DRC4: variants seen among roughly 807,000 people sequenced by gnomAD.
The protein encoded by DRC4 is dynein regulatory complex subunit 4.
chr16:90,030,112 T>C, the DRC4 span, among the ~76,000 whole-genome samples: 2 of 151,336 alleles, frequency 1.3e-5, no homozygotes, highest in African/African-American at 4.9e-5. Flanking sequence ...CTGTCCTACA[T>C]TTTTTTTTAA....
At chr16:90,028,886 A>G in the DRC4 span, 1 of 1,205,488 alleles carries the variant, frequency 8.3e-7, no homozygotes, top group Non-Finnish European at 1.1e-6. Flanking sequence ...CTGAAGTTGG[A>G]GCTAGGCAGA....
At chr16:90,043,911 G>C in the DRC4 span, 2 of 446,834 alleles carry the variant, frequency 4.5e-6, no homozygotes, top group African/African-American at 4.0e-5. Context: ...GCCAGTCTTC[G>C]CTCTAACTCC....
the DRC4 span, among the ~76,000 whole-genome samples, chr16:90,023,429 A>G: frequency 2.6e-5 from 4 of 152,126 alleles, no homozygotes; most frequent in Non-Finnish European, 5.9e-5. Flanking sequence ...CAGTAACTCA[A>G]TTTCTGGGCA....
chr16:90,020,038 G>A, the DRC4 span: 1 of 691,700 alleles, frequency 1.4e-6, no homozygotes, highest in Non-Finnish European at 2.6e-6. Flanking sequence ...TGTCCCTATC[G>A]CCCAGATTCA....
chr16:90,036,242 C>T, the DRC4 span: 1 of 736,302 alleles, frequency 1.4e-6, no homozygotes, highest in Non-Finnish European at 2.3e-6. Context: ...CCCCTTTGTT[C>T]TTCTCTTGCA....
the DRC4 span, among the ~76,000 whole-genome samples, chr16:90,041,488 T>C: frequency 1.3e-5 from 2 of 152,018 alleles, no homozygotes; most frequent in African/African-American, 2.4e-5. Context: ...CCAGCGCTGC[T>C]GAAGACTACT....
At chr16:90,022,328 A>G in the DRC4 span, 30 of 190,802 alleles carry the variant, frequency 1.6e-4, no homozygotes, top group African/African-American at 7.0e-4. Flanking sequence ...GGAAAGTTTC[A>G]GAGGCTTGGG....
chr16:90,031,493 C>A, the DRC4 span: 2 of 1,559,226 alleles, frequency 1.3e-6, no homozygotes, highest in South Asian at 2.4e-5. Context: ...AGGTGGAGAT[C>A]AAGGTGAGTG....
chr16:90,035,544 C>G, the DRC4 span: 1 of 1,579,474 alleles, frequency 6.3e-7, no homozygotes, highest in South Asian at 1.1e-5. Context: ...ATGGAGGTGA[C>G]CAAAACCATG....
At chr16:90,044,446 T>G in the DRC4 span, 1 of 466,480 alleles carries the variant, frequency 2.1e-6, no homozygotes, top group Non-Finnish European at 4.5e-6. Flanking sequence ...GGACCTGGCC[T>G]GCAGATCCCA....
chr16:90,029,636 CTG>C, the DRC4 span: 1 of 222,400 alleles, frequency 4.5e-6, no homozygotes, highest in Non-Finnish European at 9.6e-6. Flanking sequence ...AGAACCCCTC[CTG>C]CTGCTCCTTC....
chr16:90,032,179 G>T, the DRC4 span, among the ~76,000 whole-genome samples: 31 of 151,144 alleles, frequency 2.1e-4, no homozygotes, highest in South Asian at 6.3e-3. Context: ...GGGGGTACAG[G>T]TATGTACAGG....
chr16:90,035,667 A>AT, the DRC4 span: 1 of 1,614,150 alleles, frequency 6.2e-7, no homozygotes, highest in East Asian at 2.2e-5. Flanking sequence ...ATGCGGAATG[A>AT]TTTTGAGAGG....
the DRC4 span, among the ~76,000 whole-genome samples, chr16:90,039,217 C>T: frequency 6.6e-6 from 1 of 152,180 alleles, no homozygotes; most frequent in Non-Finnish European, 1.5e-5. Flanking sequence ...AAGAGGACAG[C>T]AGAGACGTGC....
the DRC4 span, chr16:90,031,441 G>C: frequency 1.2e-6 from 2 of 1,607,510 alleles, no homozygotes; most frequent in Admixed American, 1.7e-5. Context: ...GCTGAGCTGC[G>C]GAACAAAGAC....
chr16:90,029,242 C>T, the DRC4 span: 209 of 1,366,666 alleles, frequency 1.5e-4, 2 homozygotes, highest in African/African-American at 2.6e-3. Flanking sequence ...GCACATCGCA[C>T]GTTGAGCCAC....
the DRC4 span, chr16:90,043,242 T>G: frequency 6.2e-7 from 1 of 1,613,650 alleles, no homozygotes. Flanking sequence ...CTGCTGGCCT[T>G]CGGGATCCCT....
the DRC4 span, among the ~76,000 whole-genome samples, chr16:90,024,123 T>TACACACACACACACACACACACACAC: frequency 2.2e-5 from 3 of 139,396 alleles, no homozygotes; most frequent in Non-Finnish European, 4.6e-5. Flanking sequence ...TTACTAAAAA[T>TACACACACACACACACACACACACAC]ACACACACAC....
chr16:90,036,599 G>T, the DRC4 span: 1 of 1,558,866 alleles, frequency 6.4e-7, no homozygotes, highest in Non-Finnish European at 8.7e-7. Flanking sequence ...GCTGTGCGTG[G>T]GCTGGGCTGG....
Sources: gnomAD v4.1 joint callset for allele counts (sites outside exome capture counted in the v4.1 genomes callset) on GRCh38, gnomAD v4.1.1 for gene constraint, MANE v1.5 for transcripts, NCBI Gene and HGNC (gene_info 2026-07-23, HGNC 2026-07-21) for gene names.